The following MCU variants were observed in gnomAD, a reference collection of about 807,000 sequenced individuals.
MCU encodes the protein mitochondrial calcium uniporter.
A neutral mutation model predicts 45.2 loss-of-function variants in MCU; 12 were observed. The observed-to-expected ratio is 0.27, with a 90% CI of 0.17 to 0.43. MCU has a LOEUF of 0.43. Ranked by LOEUF, MCU falls within the 20% of genes least tolerant of loss-of-function variation. MCU has a pLI of 1.00. For synonymous variants in MCU, 160 were observed against 165.1 expected (o/e 0.97, Z 0.24); for missense variants, 324 against 436.7 (o/e 0.74, Z 2.30).
chr10:72,813,131 A>G (rs754616802), intron 1 of MCU, among the ~76,000 whole-genome samples: 1 of 152,202 alleles, frequency 6.6e-6, no homozygotes, highest in Non-Finnish European at 1.5e-5. Flanking sequence ...TCGTTCAAAC[A>G]GATTCCCCAT....
chr10:72,714,298 A>T (rs973402359), intron 1 of MCU, among the ~76,000 whole-genome samples: 1 of 143,080 alleles, frequency 7.0e-6, no homozygotes, highest in Admixed American at 7.2e-5. Flanking sequence ...AAATATTTCT[A>T]AAAAAATTTG....
At chr10:72,777,643 AT>A (rs1843916012) in intron 1 of MCU, among the ~76,000 whole-genome samples, 1 of 152,230 alleles carries the variant, frequency 6.6e-6, no homozygotes, top group Admixed American at 6.5e-5. Context: ...CTAGGCAAAG[AT>A]TTTTTGGGTT....
intron 1 of MCU, among the ~76,000 whole-genome samples, chr10:72,702,200 G>A (rs1476030194): frequency 4.6e-5 from 7 of 150,650 alleles, no homozygotes; most frequent in Non-Finnish European, 1.0e-4. Context: ...GCAGTGACCC[G>A]AGATCGCACC....
At chr10:72,760,891 A>G (rs1440033873) in intron 1 of MCU, among the ~76,000 whole-genome samples, 5 of 151,942 alleles carry the variant, frequency 3.3e-5, no homozygotes, top group Non-Finnish European at 2.9e-5. Flanking sequence ...CAAGGCAACT[A>G]AAACCCAAGA....
At chr10:72,772,561 G>C (rs1843827176) in intron 1 of MCU, among the ~76,000 whole-genome samples, 1 of 152,202 alleles carries the variant, frequency 6.6e-6, no homozygotes, top group Non-Finnish European at 1.5e-5. Flanking sequence ...GCTGGGCGTG[G>C]TTCTGCACAC....
intron 1 of MCU, among the ~76,000 whole-genome samples, chr10:72,727,385 C>T (rs1012474528): frequency 5.3e-5 from 8 of 152,196 alleles, no homozygotes; most frequent in Non-Finnish European, 7.3e-5. Context: ...TATCTCCTAT[C>T]GAGCCCAACA....
chr10:72,708,949 A>T (rs1867652), intron 1 of MCU, among the ~76,000 whole-genome samples: 1 of 152,076 alleles, frequency 6.6e-6, no homozygotes, highest in Non-Finnish European at 1.5e-5. Context: ...CCTAGGCTGC[A>T]GTAAGCTTTG....
intron 1 of MCU, among the ~76,000 whole-genome samples, chr10:72,739,158 G>A (rs890829953): frequency 6.6e-6 from 1 of 152,096 alleles, no homozygotes; most frequent in African/African-American, 2.4e-5. Flanking sequence ...ACTATGAATT[G>A]AGAGAGTCTA....
intron 1 of MCU, chr10:72,712,331 A>G (rs1842905502): frequency 1.3e-5 from 2 of 152,224 alleles, no homozygotes; most frequent in East Asian, 1.9e-4. Flanking sequence ...AAGGCAGAGA[A>G]GAAGAATGTT....
intron 1 of MCU, chr10:72,693,194 G>A: frequency 1.1e-6 from 1 of 924,758 alleles, no homozygotes; most frequent in Non-Finnish European, 1.7e-6. Flanking sequence ...GTGTGTGTGT[G>A]TGTGTGAGAG....
intron 3 of MCU, chr10:72,859,962 C>T (rs951917411): frequency 2.6e-5 from 4 of 153,616 alleles, no homozygotes; most frequent in Non-Finnish European, 5.8e-5. Flanking sequence ...ACTCATCTGG[C>T]AATATAATTA....
In MCU at chr10:72,725,148, C is replaced by T. The variant is rs200255798; in HGVS notation, c.150+32847C>T. Among the ~76,000 whole-genome samples the T allele has an allele frequency of 3.3e-4, 50 of 149,774 alleles. No homozygotes were observed. In the East Asian group the frequency reaches 9.0e-3, roughly 27 times the overall value. On this transcript the variant is annotated intron_variant, in intron 1 of 7. Coordinates refer to ENST00000373053, the MANE Select transcript of MCU (RefSeq NM_138357.3). Reference sequence around the variant, plus strand: ...CCTGGCTAATTTTTTTTTTTTGAGACGGAGTCTCGCTCTGTCACCCAGGCT... The same window carrying T: ...CCTGGCTAATTTTTTTTTTTTGAGATGGAGTCTCGCTCTGTCACCCAGGCT...
chr10:72,753,415 A>G (rs1843529837), intron 1 of MCU, among the ~76,000 whole-genome samples: 1 of 152,178 alleles, frequency 6.6e-6, no homozygotes, highest in African/African-American at 2.4e-5. Context: ...TCATTTATCA[A>G]ATTTCATTCA....
At chr10:72,734,956 G>T (rs149732888) in intron 1 of MCU, among the ~76,000 whole-genome samples, 4 of 151,750 alleles carry the variant, frequency 2.6e-5, no homozygotes, top group Non-Finnish European at 5.9e-5. Flanking sequence ...GTGCATACCC[G>T]TAGTCCCAGC....
chr10:72,878,991 C>T (rs777807055), intron 6 of MCU, among the ~76,000 whole-genome samples: 7 of 152,138 alleles, frequency 4.6e-5, no homozygotes, highest in Non-Finnish European at 8.8e-5. Flanking sequence ...TGACTGGGCG[C>T]GGTGGCTCAC....
In MCU at chr10:72,784,418, A is replaced by G. The variant is rs922063839; in HGVS notation, c.151-49941A>G. Reference sequence around the variant, plus strand: ...TGATTCATTTACTTAAAATCAAGCCACCTTGTAGCTGTGAGTAATTTTCCC... The same window carrying G: ...TGATTCATTTACTTAAAATCAAGCCGCCTTGTAGCTGTGAGTAATTTTCCC... On this transcript the variant is annotated intron_variant, in intron 1 of 7. Transcript: ENST00000373053. Among the ~76,000 whole-genome samples the G allele has an allele frequency of 3.9e-5, 6 of 152,194 alleles. No homozygotes were observed. The South Asian group carries it at 8.3e-4, about 21-fold the overall frequency.
chr10:72,858,058 G>T (rs1845319663), intron 2 of MCU, among the ~76,000 whole-genome samples: 1 of 152,148 alleles, frequency 6.6e-6, no homozygotes, highest in African/African-American at 2.4e-5. Flanking sequence ...TTCTCATAAA[G>T]GTTGCAGGCT....
At chr10:72,829,776 C>A (rs1445104101) in intron 1 of MCU, among the ~76,000 whole-genome samples, 1 of 152,106 alleles carries the variant, frequency 6.6e-6, no homozygotes, top group Non-Finnish European at 1.5e-5. Flanking sequence ...TGAGCTCTTA[C>A]AATTGCTTCC....
At chr10:72,712,074 A>C (rs1218889163) in intron 1 of MCU, among the ~76,000 whole-genome samples, 3 of 151,852 alleles carry the variant, frequency 2.0e-5, no homozygotes, top group African/African-American at 7.3e-5. Context: ...TAGTTGATAC[A>C]TGTGGTTCTG....
Sources: gnomAD v4.1 joint callset for allele counts (sites outside exome capture counted in the v4.1 genomes callset) on GRCh38, gnomAD v4.1.1 for gene constraint, MANE v1.5 for transcripts, NCBI Gene and HGNC (gene_info 2026-07-23, HGNC 2026-07-21) for gene names.